DHRSX: variants seen among roughly 807,000 people sequenced by gnomAD.
DHRSX encodes the protein dehydrogenase/reductase X-linked.
DHRSX carries 31 observed loss-of-function variants against 34.0 expected under a neutral mutation model. The observed-to-expected ratio is 0.91, with a 90% CI of 0.69 to 1.23. The LOEUF is 1.23. Among genes scored for constraint, DHRSX ranks in the 50% most tolerant of loss-of-function variants. DHRSX has a pLI of 0.00. For synonymous variants in DHRSX, 201 were observed against 183.8 expected (o/e 1.09, Z -0.76); for missense variants, 414 against 428.1 (o/e 0.97, Z 0.29).
At chrX:2,433,674 G>A (rs866145260) in intron 1 of DHRSX, among the ~76,000 whole-genome samples, 6 of 152,030 alleles carry the variant, frequency 3.9e-5, no homozygotes, top group Non-Finnish European at 7.4e-5. Context: ...CTGTTCCTGC[G>A]TTATTAGGCT....
chrX:2,413,971 C>G (rs1661523402), intron 2 of DHRSX, among the ~76,000 whole-genome samples: 1 of 151,824 alleles, frequency 6.6e-6, no homozygotes, highest in Non-Finnish European at 1.5e-5. Context: ...TACACCTCAT[C>G]ATAACTTAAC....
At chrX:2,381,038 G>C (rs1308154277) in intron 3 of DHRSX, among the ~76,000 whole-genome samples, 2 of 151,724 alleles carry the variant, frequency 1.3e-5, no homozygotes, top group African/African-American at 4.8e-5. Flanking sequence ...GCTAATTTTT[G>C]TATTTTTAGT....
chrX:2,236,394 G>A (rs1333095730), intron 6 of DHRSX, among the ~76,000 whole-genome samples: 3 of 152,120 alleles, frequency 2.0e-5, no homozygotes, highest in Non-Finnish European at 4.4e-5. Context: ...CAGGGAAAGG[G>A]TGAAGTCCCT....
intron 3 of DHRSX, among the ~76,000 whole-genome samples, chrX:2,352,160 G>A (rs1331720942): frequency 2.0e-5 from 3 of 152,052 alleles, no homozygotes; most frequent in Non-Finnish European, 2.9e-5. Context: ...AAAACAGGAA[G>A]CTTAGCTGAT....
chrX:2,243,635 C>T (rs1381414723), intron 5 of DHRSX, among the ~76,000 whole-genome samples: 3 of 151,424 alleles, frequency 2.0e-5, no homozygotes, highest in African/African-American at 7.3e-5. Flanking sequence ...TACAGGTGCC[C>T]GCCACCACAC....
chrX:2,267,543 CAA>C (rs531488800), intron 4 of DHRSX, among the ~76,000 whole-genome samples: 16 of 127,670 alleles, frequency 1.3e-4, no homozygotes, highest in Admixed American at 2.5e-4. Flanking sequence ...GACTCCATCT[CAA>C]AAAAAAAAAA....
At chrX:2,374,090 C>T (rs2043112505) in intron 3 of DHRSX, among the ~76,000 whole-genome samples, 1 of 152,172 alleles carries the variant, frequency 6.6e-6, no homozygotes, top group African/African-American at 2.4e-5. Context: ...AATGGCCTAC[C>T]ACCCTCATGT....
chrX:2,243,810 T>TTTTG (rs2016212422), intron 5 of DHRSX, among the ~76,000 whole-genome samples: 1 of 108,180 alleles, frequency 9.2e-6, no homozygotes, highest in Admixed American at 1.0e-4. Flanking sequence ...TTTTTTTTTT[T>TTTTG]TTTTTTTTTT....
rs780722987 is a variant in DHRSX at position 2,498,626 on chromosome X, A to G, written c.109+2191T>C. Among the ~76,000 whole-genome samples, 107 of 36,292 alleles carry G rather than the reference A, an allele frequency of 2.9e-3. 1 individual carries two copies. Among genetic ancestry groups the G allele is most frequent in the African/African-American group, 6.6e-3 (96 of 14,632 alleles). The allele number at this position is 36,292 out of a possible 152,430, so 23.8% of individuals were successfully genotyped here. A position where few individuals can be genotyped will look rare whatever the true frequency, so the allele number is the denominator to read the frequency against. On this transcript the variant is annotated intron_variant, in intron 1 of 6. Coordinates refer to ENST00000334651, the MANE Select transcript of DHRSX (RefSeq NM_145177.3). ...TGTTGTTGTTTAATCAGTAAATGGG[A>G]AAAAAAAAAAAAAAAAAGATTCCAG...
chrX:2,413,075 G>C (rs150595483), intron 2 of DHRSX, among the ~76,000 whole-genome samples: 6,871 of 152,048 alleles, frequency 0.045, 234 homozygotes, highest in East Asian at 0.15. Context: ...TGCACCTGTA[G>C]TCCCAGCTAC....
At chrX:2,248,451 G>T (rs753273776) in intron 5 of DHRSX, among the ~76,000 whole-genome samples, 4 of 140,852 alleles carry the variant, frequency 2.8e-5, no homozygotes, top group African/African-American at 5.1e-5. Context: ...AAAGAAAAAA[G>T]AAAATACAAA....
intron 2 of DHRSX, among the ~76,000 whole-genome samples, chrX:2,418,855 C>G (rs1245616710): frequency 3.3e-5 from 5 of 152,198 alleles, no homozygotes; most frequent in African/African-American, 4.8e-5. Flanking sequence ...ATCCACCTAG[C>G]ATGGATGGTC....
chrX:2,372,250 G>C (rs1377808374), intron 3 of DHRSX, among the ~76,000 whole-genome samples: 8 of 152,120 alleles, frequency 5.3e-5, no homozygotes, highest in Non-Finnish European at 1.0e-4. Flanking sequence ...ATCGGGTTGG[G>C]AAATCCATGC....
intron 4 of DHRSX, among the ~76,000 whole-genome samples, chrX:2,269,581 G>A (rs922915249): frequency 2.6e-5 from 4 of 152,102 alleles, no homozygotes; most frequent in African/African-American, 7.2e-5. Flanking sequence ...TTGTCGTCCA[G>A]GCTGGAGTGC....
At chrX:2,242,394 C>T (rs964616410) in intron 6 of DHRSX, among the ~76,000 whole-genome samples, 3 of 151,998 alleles carry the variant, frequency 2.0e-5, no homozygotes, top group Non-Finnish European at 4.4e-5. Flanking sequence ...AATCCAAGCC[C>T]CCAACACCGC....
chrX:2,428,734 CG>C (rs1381684275), intron 1 of DHRSX, among the ~76,000 whole-genome samples: 1 of 152,058 alleles, frequency 6.6e-6, no homozygotes, highest in Non-Finnish European at 1.5e-5. Flanking sequence ...CAAACCTGCA[CG>C]TTCTGCACAT....
chrX:2,304,472 G>T (rs927043060), intron 3 of DHRSX, among the ~76,000 whole-genome samples: 1 of 152,120 alleles, frequency 6.6e-6, no homozygotes, highest in African/African-American at 2.4e-5. Flanking sequence ...ACCCTTGTAG[G>T]GGGAGATTGG....
At chrX:2,377,544 C>A (rs749764312) in intron 3 of DHRSX, among the ~76,000 whole-genome samples, 2 of 152,186 alleles carry the variant, frequency 1.3e-5, no homozygotes, top group East Asian at 3.9e-4. Flanking sequence ...ACACATGAAG[C>A]TTTGCTCAGT....
Position 2,266,737 on chromosome X carries a change from T to C in DHRSX, c.596+3A>G. 6.2e-7 allele frequency: 1 copy of C among 1,612,876 alleles called. No individual in the cohort carries two copies. Among genetic ancestry groups the C allele is most frequent in the Non-Finnish European group, 8.5e-7 (1 of 1,178,906 alleles). On this transcript the variant is annotated splice_donor_region_variant and intron_variant, in intron 5 of 6. Coordinates refer to ENST00000334651, the MANE Select transcript of DHRSX (RefSeq NM_145177.3). ...GTTATGATTATTCACAGGGTGCACC[T>C]ACCTGCTCTGAAGGTCATCCATGTT...
Sources: allele counts gnomAD v4.1 joint callset (sites outside exome capture counted in the v4.1 genomes callset), GRCh38; gene constraint gnomAD v4.1.1; transcripts MANE v1.5; gene names NCBI Gene and HGNC (gene_info 2026-07-23, HGNC 2026-07-21).